Variants in NTN4 observed in about 807,000 individuals in gnomAD.
NTN4 encodes the protein netrin-4.
NTN4 carries 32 observed loss-of-function variants against 73.6 expected under a neutral mutation model. The ratio of observed to expected loss-of-function variants is 0.44; its 90% CI spans 0.33 to 0.58. NTN4 has a LOEUF of 0.58. Among genes scored for constraint, NTN4 ranks in the 20% least tolerant of loss-of-function variants. The pLI, the probability that NTN4 is intolerant of heterozygous loss-of-function variation, is 0.04. For synonymous variants in NTN4, 258 were observed against 287.5 expected, an observed-to-expected ratio of 0.90 and a Z score of 1.04; for missense variants, 654 against 798.3, an observed-to-expected ratio of 0.82 and a Z score of 2.18.
chr12:95,693,267 T>C (rs995761822), intron 5 of NTN4, among the ~76,000 whole-genome samples: 9 of 151,070 alleles, frequency 6.0e-5, no homozygotes, highest in African/African-American at 2.2e-4. Flanking sequence ...AGCAACAAAC[T>C]GCCTCATTGT....
chr12:95,731,366 G>A (rs113138689), intron 3 of NTN4, among the ~76,000 whole-genome samples: 16,139 of 152,094 alleles, frequency 0.11, 1,198 homozygotes, highest in Non-Finnish European at 0.16. Context: ...TCAGGAGTTC[G>A]AGACCAGCCT....
chr12:95,776,616 G>C (rs1373006459), intron 2 of NTN4, among the ~76,000 whole-genome samples: 1 of 152,126 alleles, frequency 6.6e-6, no homozygotes, highest in African/African-American at 2.4e-5. Flanking sequence ...AGAGAAAAAG[G>C]AATTAAAAGA....
At chr12:95,778,113 C>T (rs535352908) in intron 2 of NTN4, among the ~76,000 whole-genome samples, 24 of 152,056 alleles carry the variant, frequency 1.6e-4, no homozygotes, top group Middle Eastern at 6.8e-3. Flanking sequence ...TTGAAACCAA[C>T]GAGAACAAAG....
intron 2 of NTN4, among the ~76,000 whole-genome samples, chr12:95,775,535 T>A (rs371150717): frequency 2.0e-5 from 3 of 152,326 alleles, no homozygotes; most frequent in Middle Eastern, 3.4e-3. Context: ...GGAGATTATA[T>A]CCCGTGCATG....
Position 95,787,465 on chromosome 12 carries a change from A to C in NTN4, c.59T>G (p.Leu20Arg). 1 of 1,613,210 alleles carries C rather than the reference A, an allele frequency of 6.2e-7. No individual in the cohort carries two copies. Among genetic ancestry groups the C allele is most frequent in the Non-Finnish European group, 8.5e-7 (1 of 1,179,578 alleles). The change falls in exon 2 of 10, where the codon CTG becomes CGG. Residue 20 changes from leucine to arginine, a missense_variant. Leu to Arg is a moderately radical substitution (Grantham distance 102). Transcript: ENST00000343702. The part of the protein sequence containing the change: ...LWGCTVVAAG[L>R]SGVAGVSSRC... ...GGAACTCACTCCAGCTACTCCACTC[A>C]GTCCTAAGAAAGGGAAAGCATGCAT...
At position 95,703,177 on chromosome 12, in the gene NTN4, A is replaced by G. The variant is rs369654201; in HGVS notation, c.1180+7264T>C. 4.1e-3 allele frequency among the ~76,000 whole-genome samples: 623 copies of G among 152,238 alleles called. 3 individuals are homozygous for G. The highest frequency in any genetic ancestry group is 0.014 in the African/African-American group (602 of 41,550). ...TGGCCCAGTTCTAACTTTTGAGAAG[A>G]TAAAAACTGGAAAAGAAGAGAGAGA... On this transcript the variant is annotated intron_variant, in intron 5 of 9. Transcript: ENST00000343702.
At chr12:95,786,251 C>G (rs887708215) in intron 2 of NTN4, among the ~76,000 whole-genome samples, 5 of 152,076 alleles carry the variant, frequency 3.3e-5, no homozygotes, top group South Asian at 2.1e-4. Flanking sequence ...TTGGGGGGAG[C>G]CTTTCAAGGT....
intron 3 of NTN4, among the ~76,000 whole-genome samples, chr12:95,734,759 G>T (rs1268969118): frequency 3.3e-5 from 5 of 152,210 alleles, no homozygotes; most frequent in African/African-American, 1.2e-4. Context: ...TCACATTCAG[G>T]CTGGGTGTGG....
intron 2 of NTN4, among the ~76,000 whole-genome samples, chr12:95,741,644 TTA>T (rs1188483820): frequency 1.5e-5 from 2 of 137,606 alleles, no homozygotes; most frequent in South Asian, 4.5e-4. Context: ...TATATAAAAA[TTA>T]TATATAATTT....
At chr12:95,692,344 C>T (rs559004715) in intron 5 of NTN4, among the ~76,000 whole-genome samples, 2 of 152,220 alleles carry the variant, frequency 1.3e-5, no homozygotes, top group South Asian at 2.1e-4. Flanking sequence ...CTGGTACCTT[C>T]TTTACCCAAG....
intron 5 of NTN4, among the ~76,000 whole-genome samples, chr12:95,708,160 A>G (rs933193782): frequency 2.0e-5 from 3 of 152,138 alleles, no homozygotes; most frequent in African/African-American, 7.2e-5. Flanking sequence ...TGATCAATAA[A>G]GAGTAGAAAC....
intron 3 of NTN4, among the ~76,000 whole-genome samples, chr12:95,715,045 T>C (rs1025903657): frequency 3.9e-5 from 6 of 152,080 alleles, no homozygotes; most frequent in African/African-American, 1.4e-4. Flanking sequence ...AATACTTTCC[T>C]ACCACTGGTG....
Position 95,725,006 on chromosome 12 carries a change from A to AGGATTTTTTTTTTTTTT in NTN4, c.865-11669_865-11668insAAAAAAAAAAAAAATCC, listed in dbSNP as rs1454896864. Among the ~76,000 whole-genome samples, 50 of 135,832 alleles carry AGGATTTTTTTTTTTTTT rather than the reference A, an allele frequency of 3.7e-4. 6 individuals are homozygous for AGGATTTTTTTTTTTTTT. Among genetic ancestry groups the AGGATTTTTTTTTTTTTT allele is most frequent in the Admixed American group, 5.2e-4 (7 of 13,562 alleles). 89.1% of individuals were successfully genotyped at this position (135,832 alleles called of 152,430 possible). A position where few individuals can be genotyped will look rare whatever the true frequency, so the allele number is the denominator to read the frequency against. ...ATCTTAGAACAGTGATGTCATCAGG[A>AGGATTTTTTTTTTTTTT]TTTTTTTTTTTTTTTTGCTTCCCAC... On this transcript the variant is annotated intron_variant, in intron 3 of 9. Transcript: ENST00000343702.
chr12:95,790,502 G>A lies in NTN4; in HGVS notation c.-193C>T, dbSNP rs2079201148. On this transcript the variant is annotated 5_prime_UTR_variant, in exon 1 of 10. Coordinates refer to ENST00000343702, the MANE Select transcript of NTN4 (RefSeq NM_021229.4). This position sits in a 1 kb window ranked among gnomAD's most constrained non-coding sequence, Gnocchi z 6.5. ...GGGCCGGGACCGCGCGGGGAGGTGG[G>A]GTGACCCTCGCGCACCGGCCTGGCG... is the stretch of plus-strand genomic sequence containing the variant. The A allele has an allele frequency of 1.4e-5, 6 of 442,808 alleles. No homozygotes were observed. The highest frequency in any genetic ancestry group is 4.5e-5 in the Admixed American group (1 of 22,154). 27.4% of individuals were successfully genotyped at this position (442,808 alleles called of 1,614,324 possible).
chr12:95,687,765 A>G (rs1211383528), intron 5 of NTN4, among the ~76,000 whole-genome samples: 1 of 152,126 alleles, frequency 6.6e-6, no homozygotes, highest in East Asian at 1.9e-4. Flanking sequence ...TAGAGTCTGA[A>G]TTCATTGACA....
At chr12:95,692,899 A>T (rs2078411644) in intron 5 of NTN4, among the ~76,000 whole-genome samples, 1 of 152,160 alleles carries the variant, frequency 6.6e-6, no homozygotes, top group Non-Finnish European at 1.5e-5. Flanking sequence ...TTCAGCTGTC[A>T]GTTTTCTCAT....
At chr12:95,731,060 G>A (rs1331444495) in intron 3 of NTN4, among the ~76,000 whole-genome samples, 3 of 152,160 alleles carry the variant, frequency 2.0e-5, no homozygotes, top group African/African-American at 7.2e-5. Context: ...TTACTTTGTA[G>A]AATATCCAAA....
At chr12:95,759,398 GATTC>G (rs763613539) in intron 2 of NTN4, among the ~76,000 whole-genome samples, 1 of 151,364 alleles carries the variant, frequency 6.6e-6, no homozygotes, top group Non-Finnish European at 1.5e-5. Context: ...TTCTGTCTGT[GATTC>G]ATTAATAGTT....
intron 2 of NTN4, among the ~76,000 whole-genome samples, chr12:95,763,402 C>T (rs1375802218): frequency 1.3e-5 from 2 of 152,212 alleles, no homozygotes; most frequent in Non-Finnish European, 2.9e-5. Flanking sequence ...ACAAAAAGTT[C>T]TTCTGTGTTA....
Sources: gnomAD v4.1 joint callset for allele counts (sites outside exome capture counted in the v4.1 genomes callset) on GRCh38, gnomAD v4.1.1 for gene constraint, Gnocchi (gnomAD v3.1) non-coding constraint, MANE v1.5 for transcripts, NCBI Gene and HGNC (gene_info 2026-07-23, HGNC 2026-07-21) for gene names.